IL1RAPL2: variants seen among roughly 807,000 people sequenced by gnomAD.
The protein encoded by IL1RAPL2 is X-linked interleukin-1 receptor accessory protein-like 2.
A neutral mutation model predicts 44.1 loss-of-function variants in IL1RAPL2; 3 were observed. That is an observed-to-expected ratio of 0.07 (90% CI 0.03 to 0.18). IL1RAPL2 has a LOEUF of 0.18. Ranked by LOEUF, IL1RAPL2 falls within the 10% of genes least tolerant of loss-of-function variation. The pLI, the probability that IL1RAPL2 is intolerant of heterozygous loss-of-function variation, is 1.00. For synonymous variants in IL1RAPL2, 181 were observed against 178.8 expected, an observed-to-expected ratio of 1.01 and a Z score of -0.10; for missense variants, 391 against 496.4, an observed-to-expected ratio of 0.79 and a Z score of 2.02.
At chrX:105,049,137 G>A (rs1435765044) in intron 2 of IL1RAPL2, among the ~76,000 whole-genome samples, 1 of 108,691 alleles carries the variant, frequency 9.2e-6, no homozygotes, top group Non-Finnish European at 1.9e-5. Flanking sequence ...TCAGTCATGA[G>A]GGTAGCATTT....
At chrX:105,268,282 T>C (rs1478557268) in intron 5 of IL1RAPL2, among the ~76,000 whole-genome samples, 2 of 111,467 alleles carry the variant, frequency 1.8e-5, no homozygotes, top group Non-Finnish European at 3.8e-5. Flanking sequence ...ATTATATCTG[T>C]CATGTGTATT....
chrX:104,978,352 T>C (rs962453327), intron 2 of IL1RAPL2, among the ~76,000 whole-genome samples: 1 of 111,768 alleles, frequency 8.9e-6, no homozygotes, highest in African/African-American at 3.3e-5. Context: ...TCTAAGTTGG[T>C]TATGTCTCAT....
intron 6 of IL1RAPL2, among the ~76,000 whole-genome samples, chrX:105,508,651 G>T (rs745969152): frequency 3.1e-5 from 3 of 97,010 alleles, no homozygotes; most frequent in African/African-American, 1.1e-4. Context: ...TGGCAGAAAA[G>T]AAAAAAAAAA....
chrX:104,683,326 C>G (rs1335756823), intron 2 of IL1RAPL2, among the ~76,000 whole-genome samples: 1 of 111,592 alleles, frequency 9.0e-6, no homozygotes, highest in African/African-American at 3.3e-5. Context: ...TGGTTAAGTA[C>G]TTTCTGAGCC....
intron 6 of IL1RAPL2, among the ~76,000 whole-genome samples, chrX:105,625,035 TTTATTTCATTTATG>T (rs1480368076): frequency 8.9e-6 from 1 of 112,089 alleles, no homozygotes; most frequent in African/African-American, 3.2e-5. Flanking sequence ...CACATCCAAA[TTTATTTCATTTATG>T]TTATATTATA....
At chrX:105,175,378 T>G (rs1170999274) in intron 2 of IL1RAPL2, among the ~76,000 whole-genome samples, 2 of 111,342 alleles carry the variant, frequency 1.8e-5, no homozygotes, top group Non-Finnish European at 3.8e-5. Context: ...GAAATAACAG[T>G]GATGCTTCAT....
intron 5 of IL1RAPL2, among the ~76,000 whole-genome samples, chrX:105,321,671 A>G (rs912774501): frequency 1.8e-5 from 2 of 112,256 alleles, no homozygotes; most frequent in Non-Finnish European, 3.8e-5. Flanking sequence ...GGATTGAATT[A>G]ACACCTCCCA....
intron 6 of IL1RAPL2, among the ~76,000 whole-genome samples, chrX:105,502,627 G>A (rs940900539): frequency 9.0e-5 from 10 of 111,193 alleles, no homozygotes; most frequent in Non-Finnish European, 1.7e-4. Flanking sequence ...TTTTAAACTT[G>A]TGGTCAGCTA....
At chrX:105,152,132 C>G (rs2033233003) in intron 2 of IL1RAPL2, among the ~76,000 whole-genome samples, 2 of 110,557 alleles carry the variant, frequency 1.8e-5, no homozygotes, top group South Asian at 7.7e-4. Flanking sequence ...CCACCTGTAC[C>G]CCAATAACCT....
At chrX:104,645,476 G>A (rs754484642) in intron 1 of IL1RAPL2, among the ~76,000 whole-genome samples, 7 of 111,351 alleles carry the variant, frequency 6.3e-5, no homozygotes, top group Non-Finnish European at 1.3e-4. Flanking sequence ...TCAGCTCCAG[G>A]CCTATGTCCA....
intron 2 of IL1RAPL2, among the ~76,000 whole-genome samples, chrX:105,102,332 T>C (rs918687631): frequency 1.8e-5 from 2 of 111,771 alleles, no homozygotes; most frequent in South Asian, 3.7e-4. Flanking sequence ...CCTCAGCTCT[T>C]GAAAAGATTT....
chrX:105,056,243 C>T (rs1008879894), intron 2 of IL1RAPL2, among the ~76,000 whole-genome samples: 2 of 111,484 alleles, frequency 1.8e-5, no homozygotes, highest in Admixed American at 1.9e-4. Context: ...TCTGGAAAAT[C>T]TAAATTTGCA....
At chrX:105,069,293 T>C (rs1392076892) in intron 2 of IL1RAPL2, among the ~76,000 whole-genome samples, 1 of 112,863 alleles carries the variant, frequency 8.9e-6, no homozygotes, top group Non-Finnish European at 1.9e-5. Context: ...TTTACATTTA[T>C]AATAATTTTA....
intron 1 of IL1RAPL2, among the ~76,000 whole-genome samples, chrX:104,629,187 A>C (rs1243688921): frequency 9.0e-6 from 1 of 111,681 alleles, no homozygotes; most frequent in African/African-American, 3.2e-5. Flanking sequence ...TTGAAGGGTA[A>C]ATTTCACTTT....
At chrX:105,348,919 T>C (rs2035131204) in intron 5 of IL1RAPL2, among the ~76,000 whole-genome samples, 1 of 111,600 alleles carries the variant, frequency 9.0e-6, no homozygotes, top group Admixed American at 9.6e-5. Flanking sequence ...AAGATTGGTT[T>C]CCTGAGGAAG....
At chrX:105,393,787 G>T (rs979387733) in intron 5 of IL1RAPL2, among the ~76,000 whole-genome samples, 37 of 111,208 alleles carry the variant, frequency 3.3e-4, no homozygotes, top group Admixed American at 4.8e-4. Flanking sequence ...AAATACTTTT[G>T]AGTGTAAAAA....
chrX:104,880,604 C>T (rs1037811312), intron 2 of IL1RAPL2, among the ~76,000 whole-genome samples: 10 of 111,507 alleles, frequency 9.0e-5, no homozygotes, highest in Non-Finnish European at 1.9e-4. Context: ...CACTTAGAAC[C>T]CTCTCCTAAG....
intron 6 of IL1RAPL2, among the ~76,000 whole-genome samples, chrX:105,686,149 CG>C (rs1341703192): frequency 1.8e-5 from 2 of 110,259 alleles, no homozygotes; most frequent in African/African-American, 6.6e-5. Context: ...CATCAATTAA[CG>C]GGCAAAATAA....
intron 2 of IL1RAPL2, among the ~76,000 whole-genome samples, chrX:104,888,018 T>C (rs758430211): frequency 3.3e-4 from 37 of 111,339 alleles, no homozygotes; most frequent in African/African-American, 1.2e-3. Context: ...TGCTGCAATA[T>C]GGAAATAAAG....
Sources: allele counts gnomAD v4.1 joint callset (sites outside exome capture counted in the v4.1 genomes callset), GRCh38; gene constraint gnomAD v4.1.1; transcripts MANE v1.5; gene names NCBI Gene and HGNC (gene_info 2026-07-23, HGNC 2026-07-21).